Variants in SYNPO2 observed in about 807,000 individuals in gnomAD.
SYNPO2 encodes synaptopodin-2.
Under a neutral mutation model 85.0 loss-of-function variants are expected in SYNPO2, and 56 were observed. The observed-to-expected ratio is 0.66, with a 90% CI of 0.53 to 0.82. SYNPO2 has a LOEUF of 0.82. Among genes scored for constraint, SYNPO2 ranks in the 40% least tolerant of loss-of-function variants. The pLI, the probability that SYNPO2 is intolerant of heterozygous loss-of-function variation, is 0.00. For synonymous variants in SYNPO2, 602 were observed against 591.1 expected (o/e 1.02, Z -0.27); for missense variants, 1,575 against 1,534.2 (o/e 1.03, Z -0.44).
At chr4:118,898,616 T>G (rs1378760768) in intron 1 of SYNPO2, among the ~76,000 whole-genome samples, 1 of 152,110 alleles carries the variant, frequency 6.6e-6, no homozygotes, top group African/African-American at 2.4e-5. Flanking sequence ...CTTAGAGAAG[T>G]TAAGTAAAAA....
chr4:119,057,380 T>G (rs773442878), intron 4 of SYNPO2, 21 bp from the exon 5 acceptor site: 1 of 1,545,386 alleles, frequency 6.5e-7, no homozygotes, highest in Admixed American at 2.1e-5. Context: ...TGAGATATAT[T>G]AATATTTTCA....
At chr4:118,960,915 G>A (rs1330702152) in intron 1 of SYNPO2, among the ~76,000 whole-genome samples, 1 of 151,950 alleles carries the variant, frequency 6.6e-6, no homozygotes, top group Non-Finnish European at 1.5e-5. Flanking sequence ...TGTTATAGTC[G>A]CCTTCTAATT....
intron 1 of SYNPO2, among the ~76,000 whole-genome samples, chr4:118,901,243 C>T (rs1191983767): frequency 6.6e-6 from 1 of 152,058 alleles, no homozygotes; most frequent in African/African-American, 2.4e-5. Flanking sequence ...TTGAGTATTG[C>T]CTGACTTCAA....
rs1257051331 is a variant in SYNPO2, at chr4:119,027,395, A to G, written c.1026A>G (p.Glu342=). 18 of 1,612,218 alleles carry G rather than the reference A, an allele frequency of 1.1e-5. No individual in the cohort carries two copies. Among genetic ancestry groups the G allele is most frequent in the Admixed American group, 5.0e-5 (3 of 59,998 alleles). Residue 342 remains glutamate (E), a synonymous_variant, in exon 3 of 5, where the codon GAA becomes GAG. Transcript: ENST00000307142. ...GTEQGEDPRS[E]KDHSRPHKHR... is the part of the protein sequence containing the mutation. Reference sequence around the variant, plus strand: ...AGCAGGGAGAAGATCCACGCTCGGAAAAAGATCACAGCAGACCTCACAAGC... The same window carrying G: ...AGCAGGGAGAAGATCCACGCTCGGAGAAAGATCACAGCAGACCTCACAAGC...
At chr4:119,028,352 C>G (rs1240369259) in intron 3 of SYNPO2, among the ~76,000 whole-genome samples, 1 of 151,294 alleles carries the variant, frequency 6.6e-6, no homozygotes, top group African/African-American at 2.4e-5. Context: ...GATATTAAGT[C>G]TTCTAACCTA....
At chr4:118,922,681 CT>C (rs145113080) in intron 1 of SYNPO2, among the ~76,000 whole-genome samples, 7,496 of 142,272 alleles carry the variant, frequency 0.053, 232 homozygotes, top group Middle Eastern at 0.11. Flanking sequence ...AGGTAACAGC[CT>C]TTTTTTTTTT....
chr4:118,854,268 A>G (rs11098459), intron 1 of SYNPO2, among the ~76,000 whole-genome samples: 49,528 of 152,152 alleles, frequency 0.33, 9,723 homozygotes, highest in East Asian at 0.55. Flanking sequence ...GTGTATTTAC[A>G]TGTCACTCTG....
intron 1 of SYNPO2, among the ~76,000 whole-genome samples, chr4:118,942,708 T>C (rs544500432): frequency 2.2e-4 from 34 of 152,292 alleles, no homozygotes; most frequent in African/African-American, 7.9e-4. Context: ...ACCGGAGACA[T>C]TGTGGTTGTC....
intron 1 of SYNPO2, among the ~76,000 whole-genome samples, chr4:118,909,638 C>T (rs1000567990): frequency 6.6e-6 from 1 of 152,186 alleles, no homozygotes; most frequent in Non-Finnish European, 1.5e-5. Flanking sequence ...AATTGTGGGC[C>T]CTGCCCACGC....
At chr4:118,891,612 A>T (rs1485053062) in intron 1 of SYNPO2, among the ~76,000 whole-genome samples, 1 of 152,196 alleles carries the variant, frequency 6.6e-6, no homozygotes, top group Non-Finnish European at 1.5e-5. Flanking sequence ...TATTTTATTT[A>T]AAATATTAAG....
chr4:118,999,989 A>G (rs1736767340), intron 1 of SYNPO2, among the ~76,000 whole-genome samples: 1 of 152,206 alleles, frequency 6.6e-6, no homozygotes, highest in African/African-American at 2.4e-5. Context: ...GGCCCTTTAA[A>G]CAGAAAGAAG....
chr4:118,898,293 T>C (rs1029656020), intron 1 of SYNPO2, among the ~76,000 whole-genome samples: 10 of 152,204 alleles, frequency 6.6e-5, no homozygotes, highest in African/African-American at 2.2e-4. Context: ...TCCTGCTCTG[T>C]GTTCCTGCTC....
chr4:118,994,338 G>A (rs747403195), intron 1 of SYNPO2, among the ~76,000 whole-genome samples: 3 of 152,246 alleles, frequency 2.0e-5, no homozygotes, highest in Admixed American at 2.0e-4. Flanking sequence ...TGAACATCTT[G>A]TAGAGGAGAG....
chr4:119,040,994 T>C (rs1738694947), intron 4 of SYNPO2, among the ~76,000 whole-genome samples: 2 of 152,292 alleles, frequency 1.3e-5, no homozygotes, highest in Admixed American at 1.3e-4. Flanking sequence ...AACTCCCAGC[T>C]CAGGGCAAGT....
chr4:118,890,312 TA>T (rs1438350809), intron 1 of SYNPO2, among the ~76,000 whole-genome samples: 2 of 152,112 alleles, frequency 1.3e-5, no homozygotes, highest in Non-Finnish European at 2.9e-5. Flanking sequence ...GAATGAACCA[TA>T]AAACAGTAGA....
intron 2 of SYNPO2, among the ~76,000 whole-genome samples, chr4:119,024,894 C>T (rs774111575): frequency 2.0e-5 from 3 of 152,096 alleles, no homozygotes; most frequent in Non-Finnish European, 2.9e-5. Context: ...TGAACTATTG[C>T]CCAGAGATAG....
intron 2 of SYNPO2, among the ~76,000 whole-genome samples, chr4:119,024,621 T>C (rs975121972): frequency 2.0e-5 from 3 of 152,104 alleles, no homozygotes; most frequent in African/African-American, 7.2e-5. Flanking sequence ...CCTTCCTTCA[T>C]GTTATGAAGA....
intron 1 of SYNPO2, among the ~76,000 whole-genome samples, chr4:118,872,361 A>G (rs963640577): frequency 1.3e-5 from 2 of 152,222 alleles, no homozygotes; most frequent in Admixed American, 1.3e-4. Flanking sequence ...GTTTGTGGCT[A>G]AGAAGCAGCT....
intron 3 of SYNPO2, among the ~76,000 whole-genome samples, chr4:119,029,389 C>T (rs981789711): frequency 2.0e-5 from 3 of 152,034 alleles, no homozygotes; most frequent in Non-Finnish European, 1.5e-5. Context: ...TTGGGACGCT[C>T]CTCCCTTTTT....
Sources: gnomAD v4.1 joint callset for allele counts (sites outside exome capture counted in the v4.1 genomes callset) on GRCh38, gnomAD v4.1.1 for gene constraint, MANE v1.5 for transcripts, NCBI Gene and HGNC (gene_info 2026-07-23, HGNC 2026-07-21) for gene names.